RFX2: variants seen among roughly 807,000 people sequenced by gnomAD.
RFX2 encodes the protein regulatory factor X2.
A neutral mutation model predicts 87.8 loss-of-function variants in RFX2; 20 were observed. The ratio of observed to expected loss-of-function variants is 0.23; its 90% confidence interval spans 0.16 to 0.33. The LOEUF (loss-of-function observed/expected upper bound fraction) is 0.33. RFX2 is among the 10% of genes least tolerant of loss of function. The pLI is 1.00. For missense variants in RFX2, 767 were observed against 1,012.3 expected (o/e 0.76, Z 3.29); for synonymous variants, 397 against 431.3 (o/e 0.92, Z 0.98).
chr19:6,026,114 A>C lies in RFX2; in HGVS notation c.597+49T>G. On this transcript the variant is annotated intron_variant, in intron 6 of 17. Coordinates refer to ENST00000303657, the MANE Select transcript of RFX2 (RefSeq NM_000635.4). This position sits in a 1 kb window ranked among gnomAD's most constrained non-coding sequence, Gnocchi z 4.5. Reference sequence around the variant, plus strand: ...TCATTTGTCTTAAAAATGTCTATGCAGGTTACAAGCAGAGCAGGGACAGGT... The same window carrying C: ...TCATTTGTCTTAAAAATGTCTATGCCGGTTACAAGCAGAGCAGGGACAGGT... 6.8e-7 allele frequency: 1 copy of C among 1,476,506 alleles called. No individual in the cohort carries two copies. Among genetic ancestry groups the C allele is most frequent in the Non-Finnish European group, 9.4e-7 (1 of 1,060,264 alleles). 91.5% of individuals were successfully genotyped at this position (1,476,506 alleles called of 1,614,324 possible).
chr19:6,099,230 G>A (rs2088077545), intron 1 of RFX2, among the ~76,000 whole-genome samples: 2 of 152,116 alleles, frequency 1.3e-5, no homozygotes, highest in Non-Finnish European at 2.9e-5. Flanking sequence ...CATAGAATTC[G>A]GGATTTCATA....
intron 1 of RFX2, among the ~76,000 whole-genome samples, chr19:6,059,857 C>T (rs1392769043): frequency 6.6e-6 from 1 of 152,114 alleles, no homozygotes; most frequent in Admixed American, 6.5e-5. Flanking sequence ...TGGCCAAAAC[C>T]ACTCAGAAGA....
At position 6,040,326 on chromosome 19, in the gene RFX2, C is replaced by T. The variant is rs528233885; in HGVS notation, c.261-85G>A. 73 of 1,407,380 alleles carry T rather than the reference C, an allele frequency of 5.2e-5. 2 individuals are homozygous for T. The South Asian group carries it at 7.3e-4, about 14-fold the overall frequency. 87.2% of individuals were successfully genotyped at this position (1,407,380 alleles called of 1,614,324 possible). ...TTCACAGATATCCAGCCAAACATCACGTAAAAGCTGCAACCCAGAGAGGCC... is the reference window on the plus strand; with the variant it reads ...TTCACAGATATCCAGCCAAACATCATGTAAAAGCTGCAACCCAGAGAGGCC... On this transcript the variant is annotated intron_variant, in intron 4 of 17. Coordinates refer to ENST00000303657, the MANE Select transcript of RFX2 (RefSeq NM_000635.4). The surrounding 1 kb of genome is among the most constrained non-coding windows in gnomAD (Gnocchi z 6.1).
rs958046437 is a variant in RFX2 at position 6,047,441 on chromosome 19, G to T, written c.56C>A (p.Ser19Ter). ...DSPASVALRP[S>*]AAAPPVPASP... ...GGCTGGCACAGGCGGGGCTGCCGCC[G>T]AGGGACGCAGAGCCACGGACGCTGG... The change falls in exon 2 of 18, where the codon TCG becomes TAG. Residue 19 changes from serine (S) to a stop codon, truncating the protein, a stop_gained. Coordinates refer to ENST00000303657, the MANE Select transcript of RFX2 (RefSeq NM_000635.4). LOFTEE classifies it high-confidence loss of function. This position sits in a 1 kb window ranked among gnomAD's most constrained non-coding sequence, Gnocchi z 4.2. The T allele has an allele frequency of 6.2e-7, 1 of 1,603,170 alleles. No homozygotes were observed. Among genetic ancestry groups the T allele is most frequent in the African/African-American group, 1.3e-5 (1 of 74,896 alleles).
At position 6,085,526 on chromosome 19, in the gene RFX2, A is replaced by T. The variant is rs1031327203; in HGVS notation, c.-9+24867T>A. Among the ~76,000 whole-genome samples the T allele has an allele frequency of 3.3e-5, 5 of 152,310 alleles. No individual in the cohort carries two copies. The East Asian group carries it at 9.6e-4, about 29-fold the overall frequency. The stretch of plus-strand genomic sequence containing the variant: ...ATTTTGAATATTAACCTCTTATTAG[A>T]AATGATTTGGAAACATTTTCTTCCA... On this transcript the variant is annotated intron_variant, in intron 1 of 17. Transcript: ENST00000303657.
chr19:6,075,231 GGAGGAGAAGGAGGAA>G (rs1272914867), intron 1 of RFX2, among the ~76,000 whole-genome samples: 1 of 152,098 alleles, frequency 6.6e-6, no homozygotes, highest in Non-Finnish European at 1.5e-5. Flanking sequence ...GATTAAGACA[GGAGGAGAAGGAGGAA>G]GAGGAGAAAG....
chr19:6,053,684 G>T (rs1016276757), intron 1 of RFX2, among the ~76,000 whole-genome samples: 7 of 152,126 alleles, frequency 4.6e-5, no homozygotes, highest in African/African-American at 1.7e-4. Context: ...GCCAGGCATG[G>T]TGGCTCATGC....
At position 6,056,437 on chromosome 19, in the gene RFX2, C is replaced by T. The variant is rs762355002; in HGVS notation, c.-8-8933G>A. 2.4e-4 allele frequency among the ~76,000 whole-genome samples: 37 copies of T among 152,154 alleles called. No homozygotes were observed. The highest frequency in any genetic ancestry group is 3.9e-4 in the Admixed American group (6 of 15,276). The stretch of plus-strand genomic sequence containing the variant: ...GATCCTGGCGGTGCTTCCAGGTAAG[C>T]GCAGTAGCTCACATGGTCCTCCCAG... On this transcript the variant is annotated intron_variant, in intron 1 of 17. Coordinates refer to ENST00000303657, the MANE Select transcript of RFX2 (RefSeq NM_000635.4). This position sits in a 1 kb window ranked among gnomAD's most constrained non-coding sequence, Gnocchi z 4.6.
intron 1 of RFX2, among the ~76,000 whole-genome samples, chr19:6,049,408 A>G (rs930756331): frequency 1.3e-5 from 2 of 152,246 alleles, no homozygotes; most frequent in South Asian, 4.1e-4. Context: ...AGAAGAGGCC[A>G]TGAGAGTGTT....
chr19:5,998,483 C>T lies in RFX2; in HGVS notation c.1860-1270G>A, dbSNP rs369152700. Among the ~76,000 whole-genome samples, 4 of 152,276 alleles carry T rather than the reference C, an allele frequency of 2.6e-5. No individual in the cohort carries two copies. Among genetic ancestry groups the T allele is most frequent in the Non-Finnish European group, 4.4e-5 (3 of 68,032 alleles). On this transcript the variant is annotated intron_variant, in intron 15 of 17. Coordinates refer to ENST00000303657, the MANE Select transcript of RFX2 (RefSeq NM_000635.4). This position sits in a 1 kb window ranked among gnomAD's most constrained non-coding sequence, Gnocchi z 4.2. ...TCTGTTACGTCTAATCGGTATCGAG[C>T]GATAAAAAGAAGACACAGGCTTGAG...
chr19:6,107,209 T>G (rs1055311086), intron 1 of RFX2, among the ~76,000 whole-genome samples: 1 of 152,016 alleles, frequency 6.6e-6, no homozygotes. Context: ...GGCAGGAGAA[T>G]GGTGTAAACC....
rs776617202 is a variant in RFX2, at chr19:6,010,300, G to A, written c.900-49C>T. ...TCATGAGGCCCAGCAGCCCTGCTGC[G>A]GGTGGGCCCAAAGACTGGGGGGCTG... On this transcript the variant is annotated intron_variant, in intron 8 of 17. Coordinates refer to ENST00000303657, the MANE Select transcript of RFX2 (RefSeq NM_000635.4). This position sits in a 1 kb window ranked among gnomAD's most constrained non-coding sequence, Gnocchi z 5.0. 1.0e-5 allele frequency: 13 copies of A among 1,280,762 alleles called. No homozygotes were observed. Among genetic ancestry groups the A allele is most frequent in the East Asian group, 5.1e-5 (2 of 39,520 alleles). 79.3% of individuals were successfully genotyped at this position (1,280,762 alleles called of 1,614,324 possible).
chr19:6,012,890 G>T lies in RFX2; in HGVS notation c.899+96C>A. Reference sequence around the variant, plus strand: ...TGGCTTTCCCAGGATGCTGGAGACTGGGGAGTTATGATGAGTTTGTTTCGT... The same window carrying T: ...TGGCTTTCCCAGGATGCTGGAGACTTGGGAGTTATGATGAGTTTGTTTCGT... On this transcript the variant is annotated intron_variant, in intron 8 of 17. Transcript: ENST00000303657. This position sits in a 1 kb window ranked among gnomAD's most constrained non-coding sequence, Gnocchi z 4.6. 8.1e-7 allele frequency: 1 copy of T among 1,234,962 alleles called. No individual in the cohort carries two copies. The highest frequency in any genetic ancestry group is 1.1e-6 in the Non-Finnish European group (1 of 945,910). The allele number at this position is 1,234,962 out of a possible 1,614,324, so 76.5% of individuals were successfully genotyped here.
chr19:6,010,325 G>T lies in RFX2; in HGVS notation c.900-74C>A. On this transcript the variant is annotated intron_variant, in intron 8 of 17. Transcript: ENST00000303657. This position sits in a 1 kb window ranked among gnomAD's most constrained non-coding sequence, Gnocchi z 5.0. ...GGGTGGGCCCAAAGACTGGGGGGCT[G>T]GGCAGGATTCAGTCAGGCATGTGTG... The T allele has an allele frequency of 1.0e-6, 1 of 973,908 alleles. No homozygotes were observed. Among genetic ancestry groups the T allele is most frequent in the South Asian group, 1.4e-5 (1 of 72,068 alleles). 60.3% of individuals were successfully genotyped at this position (973,908 alleles called of 1,614,324 possible).
rs1296006347 is a variant in RFX2 at position 6,042,131 on chromosome 19, A to T, written c.181-8T>A. On this transcript the variant is annotated splice_polypyrimidine_tract_variant and splice_region_variant and intron_variant, in intron 3 of 17. Coordinates refer to ENST00000303657, the MANE Select transcript of RFX2 (RefSeq NM_000635.4). ...GTGCTGCACCGGCTGCACCTGAAAC[A>T]TCGGATACGCTGCGTTACCGCCAGT... 1 of 1,613,364 alleles carries T rather than the reference A, an allele frequency of 6.2e-7. No homozygotes were observed. Among genetic ancestry groups the T allele is most frequent in the South Asian group, 1.1e-5 (1 of 91,078 alleles).
rs1475116725 is a variant in RFX2 at position 6,010,321 on chromosome 19, G to A, written c.900-70C>T. 2.0e-6 allele frequency: 2 copies of A among 1,011,230 alleles called. No individual in the cohort carries two copies. The highest frequency in any genetic ancestry group is 3.0e-4 in the Middle Eastern group (1 of 3,344). The allele number at this position is 1,011,230 out of a possible 1,614,324, so 62.6% of individuals were successfully genotyped here. A position where few individuals can be genotyped will look rare whatever the true frequency, so the allele number is the denominator to read the frequency against. On this transcript the variant is annotated intron_variant, in intron 8 of 17. Coordinates refer to ENST00000303657, the MANE Select transcript of RFX2 (RefSeq NM_000635.4). This position sits in a 1 kb window ranked among gnomAD's most constrained non-coding sequence, Gnocchi z 5.0. ...CTGCGGGTGGGCCCAAAGACTGGGGGGCTGGGCAGGATTCAGTCAGGCATG... is the reference window on the plus strand; with the variant it reads ...CTGCGGGTGGGCCCAAAGACTGGGGAGCTGGGCAGGATTCAGTCAGGCATG...
Position 6,044,154 on chromosome 19 carries a change from G to C in RFX2, c.180+39C>G. Reference sequence around the variant, plus strand: ...TGTTCTGGATTGCTGAGTGCTAACTGCGCCCCGGTTTGCACGGTGCTGCGG... The same window carrying C: ...TGTTCTGGATTGCTGAGTGCTAACTCCGCCCCGGTTTGCACGGTGCTGCGG... On this transcript the variant is annotated intron_variant, in intron 3 of 17. Coordinates refer to ENST00000303657, the MANE Select transcript of RFX2 (RefSeq NM_000635.4). This position sits in a 1 kb window ranked among gnomAD's most constrained non-coding sequence, Gnocchi z 5.3. 1 of 1,266,984 alleles carries C rather than the reference G, an allele frequency of 7.9e-7. No homozygotes were observed. The highest frequency in any genetic ancestry group is 1.0e-6 in the Non-Finnish European group (1 of 958,130). The allele number at this position is 1,266,984 out of a possible 1,614,324, so 78.5% of individuals were successfully genotyped here.
At chr19:5,996,327 G>A (rs1055528882) in intron 16 of RFX2, among the ~76,000 whole-genome samples, 3 of 40,420 alleles carry the variant, frequency 7.4e-5, no homozygotes, top group Admixed American at 2.5e-4. Flanking sequence ...CGTGCAGCAC[G>A]GAGGGACGAG....
rs1466696069 is a variant in RFX2 at position 6,022,505 on chromosome 19, G to A, written c.597+3658C>T. On this transcript the variant is annotated intron_variant, in intron 6 of 17. Transcript: ENST00000303657. The surrounding 1 kb of genome is among the most constrained non-coding windows in gnomAD (Gnocchi z 6.2). ...CAGAGACTCGGTGAACCTGCTACGG[G>A]GTCCCGGTCGGCTGGTAGCCTGAGG... is the stretch of plus-strand genomic sequence containing the variant. Among the ~76,000 whole-genome samples, 4 of 152,212 alleles carry A rather than the reference G, an allele frequency of 2.6e-5. No individual in the cohort carries two copies. The highest frequency in any genetic ancestry group is 1.3e-4 in the Admixed American group (2 of 15,278).
Sources: allele counts gnomAD v4.1 joint callset (sites outside exome capture counted in the v4.1 genomes callset), GRCh38; gene constraint gnomAD v4.1.1; non-coding constraint Gnocchi (gnomAD v3.1); transcripts MANE v1.5; gene names NCBI Gene and HGNC (gene_info 2026-07-23, HGNC 2026-07-21).